The following CCDC88C variants were observed in gnomAD, a reference collection of about 807,000 sequenced individuals.
CCDC88C encodes the protein coiled-coil and HOOK domain protein 88C.
Under a neutral mutation model 198.8 loss-of-function variants are expected in CCDC88C, and 131 were observed. The observed-to-expected ratio is 0.66, with a 90% CI of 0.57 to 0.76. The LOEUF is 0.76. Among genes scored for constraint, CCDC88C ranks in the 30% least tolerant of loss-of-function variants. The pLI, the probability that CCDC88C is intolerant of heterozygous loss-of-function variation, is 0.00. For missense variants in CCDC88C, 2,553 were observed against 2,631.6 expected, an observed-to-expected ratio of 0.97 and a Z score of 0.65; for synonymous variants, 1,166 against 1,114.7, an observed-to-expected ratio of 1.05 and a Z score of -0.92.
intron 3 of CCDC88C, among the ~76,000 whole-genome samples, chr14:91,362,103 G>A (rs778563112): frequency 6.6e-5 from 10 of 152,024 alleles, no homozygotes; most frequent in Non-Finnish European, 1.5e-4. Context: ...GCCTGGTGAC[G>A]CATGCCTGTA....
chr14:91,358,660 GTCTT>G lies in CCDC88C; in HGVS notation c.340+978_340+981del, dbSNP rs1388464699. On this transcript the variant is annotated intron_variant, in intron 4 of 29. Transcript: ENST00000389857. Reference sequence around the variant, plus strand: ...AGATGCCAGGAGGACATTTAATTTGGTCTTTCTTTTTTTCATTTTATAATTAGAG... The same window carrying G: ...AGATGCCAGGAGGACATTTAATTTGGTCTTTTTTTCATTTTATAATTAGAG... Among the ~76,000 whole-genome samples, 8 of 152,292 alleles carry G rather than the reference GTCTT, an allele frequency of 5.3e-5. No individual in the cohort carries two copies. In the East Asian group the frequency reaches 1.2e-3, roughly 22 times the overall value.
At chr14:91,372,789 G>A (rs937799443) in intron 3 of CCDC88C, among the ~76,000 whole-genome samples, 2 of 152,064 alleles carry the variant, frequency 1.3e-5, no homozygotes, top group South Asian at 2.1e-4. Context: ...GCTGGGCCTC[G>A]GCATCAAGCC....
chr14:91,313,863 C>T lies in CCDC88C; in HGVS notation c.1953G>A (p.Val651=), dbSNP rs1891965587. Residue 651 remains valine (V), a synonymous_variant, in exon 15 of 30, where the codon GTG becomes GTA. Transcript: ENST00000389857. This position sits in a 1 kb window ranked among gnomAD's most constrained non-coding sequence, Gnocchi z 5.2. ...QEENGRLARK[V]TSLETATEKV... is the part of the protein sequence containing the mutation. ...TCTCGGTGGCTGTCTCCAGGGAGGT[C>T]ACCTTCCTGGCCAGCCTCCCGTTCT... The T allele has an allele frequency of 1.2e-6, 2 of 1,605,040 alleles. No individual in the cohort carries two copies. The highest frequency in any genetic ancestry group is 4.5e-5 in the East Asian group (2 of 44,698).
chr14:91,335,716 G>A (rs774620114), intron 10 of CCDC88C, among the ~76,000 whole-genome samples: 3 of 152,168 alleles, frequency 2.0e-5, no homozygotes, highest in Non-Finnish European at 4.4e-5. Flanking sequence ...GCATGAAGAA[G>A]GCAAAGTCAC....
At chr14:91,392,704 G>A (rs939356621) in intron 3 of CCDC88C, among the ~76,000 whole-genome samples, 2 of 151,410 alleles carry the variant, frequency 1.3e-5, no homozygotes, top group African/African-American at 4.9e-5. Flanking sequence ...CAGCAAGGGC[G>A]GCCCCTCACT....
intron 27 of CCDC88C, chr14:91,280,083 C>A (rs532133290): frequency 9.8e-5 from 15 of 152,424 alleles, no homozygotes; most frequent in African/African-American, 3.6e-4. Context: ...AGGGCCTGCA[C>A]ACCTCTCCTG....
At chr14:91,373,407 T>C (rs889137854) in intron 3 of CCDC88C, among the ~76,000 whole-genome samples, 5 of 152,046 alleles carry the variant, frequency 3.3e-5, no homozygotes, top group African/African-American at 1.2e-4. Context: ...TAGCAAAGGA[T>C]GAAGAGAAGG....
At chr14:91,376,606 G>A (rs1444643820) in intron 3 of CCDC88C, among the ~76,000 whole-genome samples, 1 of 152,208 alleles carries the variant, frequency 6.6e-6, no homozygotes, top group Non-Finnish European at 1.5e-5. Flanking sequence ...AAGGAATGCC[G>A]GGAAGCCTGC....
chr14:91,334,944 G>T (rs940554453), intron 10 of CCDC88C, among the ~76,000 whole-genome samples: 1 of 152,118 alleles, frequency 6.6e-6, no homozygotes, highest in African/African-American at 2.4e-5. Context: ...TGGGAGGCCC[G>T]CCCCAAGAGC....
chr14:91,286,985 C>A (rs1239080500), intron 25 of CCDC88C, among the ~76,000 whole-genome samples: 1 of 152,220 alleles, frequency 6.6e-6, no homozygotes, highest in Non-Finnish European at 1.5e-5. Flanking sequence ...CCAGAGGGAG[C>A]ACCCAAGACA....
At position 91,272,893 on chromosome 14, in the gene CCDC88C, T is replaced by C; in HGVS notation, c.5819A>G (p.Lys1940Arg). The C allele has an allele frequency of 6.3e-7, 1 of 1,586,878 alleles. No individual in the cohort carries two copies. ...CCCTGAGCGTGGGGGCGCCTTGGGC[T>C]TGGTCCTGGCAGCCGGGGCTGCAGC... ...SPAAAPAARTKPKAPPRSGEV... is the reference protein window; with the variant it reads ...SPAAAPAARTRPKAPPRSGEV... Residue 1940 changes from lysine to arginine, a missense_variant, in exon 30 of 30, where the codon AAG (lysine) becomes AGG (arginine). Lys to Arg is a conservative substitution (Grantham distance 26, BLOSUM62 2). Transcript: ENST00000389857.
intron 21 of CCDC88C, among the ~76,000 whole-genome samples, chr14:91,298,802 C>T (rs1391269413): frequency 6.6e-6 from 1 of 152,116 alleles, no homozygotes; most frequent in Non-Finnish European, 1.5e-5. Context: ...TTTCTAACCC[C>T]CCGTATACAC....
chr14:91,343,796 C>G (rs1375896014), intron 4 of CCDC88C, 139 bp from the exon 5 acceptor site: 3 of 954,142 alleles, frequency 3.1e-6, no homozygotes, highest in Non-Finnish European at 4.8e-6. Flanking sequence ...CACACTCCAT[C>G]GATCTTCCAT....
At chr14:91,292,179 C>T (rs1022599060) in intron 23 of CCDC88C, among the ~76,000 whole-genome samples, 4 of 152,220 alleles carry the variant, frequency 2.6e-5, no homozygotes, top group Admixed American at 2.0e-4. Context: ...CGCTCCCAGT[C>T]CCTTGACTCG....
At position 91,306,034 on chromosome 14, in the gene CCDC88C, C is replaced by T. The variant is rs910680753; in HGVS notation, c.3196-108G>A. ...CCTCAAAAGTTGATGTTTTGGGGGC[C>T]AAATCGAGGGTCCGCTGGATGAGGT... On this transcript the variant is annotated intron_variant, in intron 18 of 29. Coordinates refer to ENST00000389857, the MANE Select transcript of CCDC88C (RefSeq NM_001080414.4). 8.1e-6 allele frequency: 9 copies of T among 1,116,260 alleles called. No individual in the cohort carries two copies. The African/African-American group carries it at 1.2e-4, about 15-fold the overall frequency. The allele number at this position is 1,116,260 out of a possible 1,614,324, so 69.1% of individuals were successfully genotyped here. A position where few individuals can be genotyped will look rare whatever the true frequency, so the allele number is the denominator to read the frequency against.
chr14:91,313,118 C>T lies in CCDC88C; in HGVS notation c.2698G>A (p.Val900Ile). Reference sequence around the variant, plus strand: ...GTCAGTGTCCTTGCATGCACGGTGACTTGCTTGGTGAGGTCCCGGTTGTCC... The same window carrying T: ...GTCAGTGTCCTTGCATGCACGGTGATTTGCTTGGTGAGGTCCCGGTTGTCC... ...EKDNRDLTKQ[V>I]TVHARTLTTL... The change falls in exon 15 of 30, where the codon GTC (valine) becomes ATC (isoleucine). Residue 900 changes from valine to isoleucine, a missense_variant. This residue lies in a region of CCDC88C where 1,260 missense variants were observed against 1,412.0 expected (regional missense o/e 0.89). Transcript: ENST00000389857. This position sits in a 1 kb window ranked among gnomAD's most constrained non-coding sequence, Gnocchi z 5.2. 2 of 1,603,016 alleles carry T rather than the reference C, an allele frequency of 1.2e-6. No individual in the cohort carries two copies. The highest frequency in any genetic ancestry group is 1.7e-6 in the Non-Finnish European group (2 of 1,172,428).
At chr14:91,281,321 A>C in intron 27 of CCDC88C, 136 bp downstream of exon 27, 3 of 1,536,558 alleles carry the variant, frequency 2.0e-6, no homozygotes, top group Non-Finnish European at 2.6e-6. Context: ...GGGGAGGGGA[A>C]GGAAGAATGG....
At chr14:91,378,000 G>A (rs1040191629) in intron 3 of CCDC88C, among the ~76,000 whole-genome samples, 2 of 147,550 alleles carry the variant, frequency 1.4e-5, no homozygotes, top group African/African-American at 4.9e-5. Context: ...TTTAAGTAAG[G>A]AAGAAGAGGA....
intron 4 of CCDC88C, among the ~76,000 whole-genome samples, chr14:91,351,378 G>A (rs1596101466): frequency 6.6e-6 from 1 of 152,196 alleles, no homozygotes; most frequent in East Asian, 1.9e-4. Flanking sequence ...TCACTCACAT[G>A]GGCACGGCTC....
Sources: allele counts gnomAD v4.1 joint callset (sites outside exome capture counted in the v4.1 genomes callset), GRCh38; gene constraint gnomAD v4.1.1; regional missense constraint gnomAD v4.1.1; non-coding constraint Gnocchi (gnomAD v3.1); transcripts MANE v1.5; gene names NCBI Gene and HGNC (gene_info 2026-07-23, HGNC 2026-07-21).